Variants in EYS observed in about 807,000 individuals in gnomAD.
The protein encoded by EYS is EGF-like photoreceptor maintenance factor.
A neutral mutation model predicts 282.1 loss-of-function variants in EYS; 250 were observed. That is an observed-to-expected ratio of 0.89 (90% confidence interval 0.80 to 0.98). EYS has a LOEUF of 0.98. Among genes scored for constraint, EYS ranks in the 50% least tolerant of loss-of-function variants. The pLI is 0.00. For synonymous variants in EYS, 1,355 were observed against 1,282.9 expected (o/e 1.06, Z -1.20); for missense variants, 4,016 against 3,709.0 (o/e 1.08, Z -2.15).
chr6:64,154,202 A>G lies in EYS; in HGVS notation c.6425-72200T>C, dbSNP rs147073639. On this transcript the variant is annotated intron_variant, in intron 31 of 42. Transcript: ENST00000503581. ...ACGCCTGTAATCCCAGCACTTTGGG[A>G]TGCCAAGGCAGGCAGATCACAAGAG... Among the ~76,000 whole-genome samples the G allele has an allele frequency of 6.6e-5, 10 of 152,276 alleles. 1 individual carries two copies. The highest frequency in any genetic ancestry group is 2.4e-4 in the African/African-American group (10 of 41,564).
chr6:65,271,490 C>A (rs1404907494), intron 12 of EYS, among the ~76,000 whole-genome samples: 2 of 152,052 alleles, frequency 1.3e-5, no homozygotes, highest in Non-Finnish European at 2.9e-5. Context: ...AAATGCTAAT[C>A]TCTTCCAGAA....
At chr6:65,064,479 A>C in intron 12 of EYS, among the ~76,000 whole-genome samples, 1 of 146,464 alleles carries the variant, frequency 6.8e-6, no homozygotes, top group Non-Finnish European at 1.5e-5. Flanking sequence ...AGTATATGAT[A>C]TATAGTATAT....
chr6:64,185,899 T>G (rs2150314043), intron 31 of EYS, among the ~76,000 whole-genome samples: 1 of 152,266 alleles, frequency 6.6e-6, no homozygotes, highest in Non-Finnish European at 1.5e-5. Flanking sequence ...ACCATTTTTG[T>G]TTTAGATGTA....
intron 36 of EYS, among the ~76,000 whole-genome samples, chr6:63,845,235 A>C (rs1772067767): frequency 6.6e-6 from 1 of 152,196 alleles, no homozygotes; most frequent in Non-Finnish European, 1.5e-5. Context: ...TTAGCTATGA[A>C]GAAAGTGAGA....
At chr6:64,478,436 AATT>A (rs1776340298) in intron 26 of EYS, among the ~76,000 whole-genome samples, 1 of 151,488 alleles carries the variant, frequency 6.6e-6, no homozygotes, top group Admixed American at 6.6e-5. Flanking sequence ...TAAATATTAA[AATT>A]ATTTCTATAT....
intron 24 of EYS, among the ~76,000 whole-genome samples, chr6:64,603,303 C>T (rs897594533): frequency 2.6e-5 from 4 of 151,928 alleles, no homozygotes; most frequent in East Asian, 1.9e-4. Context: ...ACTGCTGCTC[C>T]TCTTCCTTTT....
chr6:65,318,981 T>C (rs1203817231), intron 11 of EYS, among the ~76,000 whole-genome samples: 1 of 151,574 alleles, frequency 6.6e-6, no homozygotes, highest in African/African-American at 2.4e-5. Context: ...TTTTCTGATA[T>C]TAATATTATT....
rs560326014 is a variant in EYS, at chr6:64,269,354, A to G, written c.6191+37616T>C. Among the ~76,000 whole-genome samples, 4 of 152,274 alleles carry G rather than the reference A, an allele frequency of 2.6e-5. No individual in the cohort carries two copies. The South Asian group carries it at 8.3e-4, about 32-fold the overall frequency. On this transcript the variant is annotated intron_variant, in intron 30 of 42. Transcript: ENST00000503581. ...AATAATTTCATAGAATGAAATAAAA[A>G]TGGAAAATAAAAATAATTTGTTGAA...
chr6:64,118,759 G>C (rs111646940), intron 31 of EYS, among the ~76,000 whole-genome samples: 4 of 152,044 alleles, frequency 2.6e-5, no homozygotes, highest in African/African-American at 9.7e-5. Context: ...TCTGTAGAAG[G>C]AGAGAAAATA....
chr6:65,577,089 A>G (rs746722015), intron 2 of EYS, among the ~76,000 whole-genome samples: 17 of 151,888 alleles, frequency 1.1e-4, no homozygotes, highest in Non-Finnish European at 1.8e-4. Context: ...AAATGAAAAC[A>G]CACACAAGAA....
chr6:64,547,029 T>C (rs745845619), intron 26 of EYS, among the ~76,000 whole-genome samples: 14 of 152,182 alleles, frequency 9.2e-5, no homozygotes, highest in Non-Finnish European at 2.1e-4. Context: ...GTCTGGAGTT[T>C]GTTCCCTCTG....
At chr6:64,550,730 A>AT (rs1235577890) in intron 26 of EYS, among the ~76,000 whole-genome samples, 3 of 152,116 alleles carry the variant, frequency 2.0e-5, no homozygotes, top group Admixed American at 2.0e-4. Flanking sequence ...TCAGCCCAAA[A>AT]TCTCCTTAAG....
At chr6:65,012,810 CAAAAAAA>C (rs3033918) in intron 13 of EYS, among the ~76,000 whole-genome samples, 1 of 117,670 alleles carries the variant, frequency 8.5e-6, no homozygotes, top group South Asian at 2.8e-4. Flanking sequence ...CCAAGTACAG[CAAAAAAA>C]AAAAAAAAAT....
intron 35 of EYS, among the ~76,000 whole-genome samples, chr6:63,885,689 G>A (rs140507750): frequency 1.6e-3 from 251 of 152,252 alleles, no homozygotes; most frequent in African/African-American, 5.7e-3. Context: ...CTTACTAGAA[G>A]CAGAATCTGG....
chr6:64,298,579 A>T (rs1025136904), intron 30 of EYS, among the ~76,000 whole-genome samples: 2 of 152,092 alleles, frequency 1.3e-5, no homozygotes, highest in African/African-American at 4.8e-5. Context: ...ACTATAAAAG[A>T]TAAACTAAAC....
chr6:64,882,902 A>G (rs1415836252), intron 19 of EYS, among the ~76,000 whole-genome samples: 1 of 151,516 alleles, frequency 6.6e-6, no homozygotes, highest in African/African-American at 2.4e-5. Context: ...AGAATTTCAC[A>G]AAACTATAAG....
intron 19 of EYS, among the ~76,000 whole-genome samples, chr6:64,881,533 T>C (rs1766918158): frequency 6.6e-6 from 1 of 151,872 alleles, no homozygotes; most frequent in African/African-American, 2.4e-5. Flanking sequence ...ACTTTACATA[T>C]TTAGTTGGAT....
intron 14 of EYS, among the ~76,000 whole-genome samples, chr6:64,960,946 T>C (rs770716281): frequency 5.9e-5 from 9 of 152,164 alleles, no homozygotes; most frequent in Admixed American, 2.0e-4. Context: ...CTAAAGATAA[T>C]GGCCTCCAGC....
At chr6:65,162,851 C>A (rs1039455520) in intron 12 of EYS, among the ~76,000 whole-genome samples, 4 of 151,010 alleles carry the variant, frequency 2.6e-5, no homozygotes, top group African/African-American at 9.7e-5. Context: ...CATCCTTGGC[C>A]TATCCAGTGA....
Sources: gnomAD v4.1 joint callset for allele counts (sites outside exome capture counted in the v4.1 genomes callset) on GRCh38, gnomAD v4.1.1 for gene constraint, MANE v1.5 for transcripts, NCBI Gene and HGNC (gene_info 2026-07-23, HGNC 2026-07-21) for gene names.